Variants in UVRAG observed in about 807,000 individuals in gnomAD.
The protein encoded by UVRAG is UV radiation resistance associated.
In UVRAG, 19 loss-of-function variants were observed where a neutral mutation model predicts 78.0. The observed-to-expected ratio is 0.24, with a 90% CI of 0.17 to 0.36. The LOEUF (loss-of-function observed/expected upper bound fraction) is 0.36. UVRAG is among the 10% of genes least tolerant of loss of function. The pLI, the probability that UVRAG is intolerant of heterozygous loss-of-function variation, is 1.00. For missense variants in UVRAG, 740 were observed against 853.8 expected, an observed-to-expected ratio of 0.87 and a Z score of 1.66; for synonymous variants, 323 against 324.6, an observed-to-expected ratio of 1.00 and a Z score of 0.05.
intron 14 of UVRAG, among the ~76,000 whole-genome samples, chr11:76,121,888 T>C (rs1952285099): frequency 6.6e-6 from 1 of 152,128 alleles, no homozygotes; most frequent in African/African-American, 2.4e-5. Flanking sequence ...GTGTATTCCC[T>C]CAGTAGCTTA....
chr11:75,993,074 C>G (rs1363302793), intron 8 of UVRAG, among the ~76,000 whole-genome samples: 2 of 152,136 alleles, frequency 1.3e-5, no homozygotes, highest in East Asian at 3.8e-4. Flanking sequence ...GCTGATTATT[C>G]TGAATGACCA....
chr11:75,970,826 G>T (rs368318742), intron 7 of UVRAG, among the ~76,000 whole-genome samples: 1 of 151,110 alleles, frequency 6.6e-6, no homozygotes, highest in Admixed American at 6.6e-5. Context: ...TCTTGTACTC[G>T]TGTGGTACAA....
At chr11:76,042,915 T>G (rs940484770) in intron 12 of UVRAG, among the ~76,000 whole-genome samples, 2 of 152,236 alleles carry the variant, frequency 1.3e-5, no homozygotes, top group African/African-American at 4.8e-5. Flanking sequence ...TTGCCCAATT[T>G]TCTAAGGATG....
At chr11:75,973,599 G>A (rs974974623) in intron 7 of UVRAG, among the ~76,000 whole-genome samples, 2 of 152,048 alleles carry the variant, frequency 1.3e-5, no homozygotes, top group East Asian at 3.8e-4. Context: ...GGGTACATGT[G>A]CACAATGTGC....
intron 1 of UVRAG, among the ~76,000 whole-genome samples, chr11:75,816,263 T>A (rs1219590674): frequency 6.6e-6 from 1 of 152,208 alleles, no homozygotes; most frequent in African/African-American, 2.4e-5. Context: ...TGTAGGAAGA[T>A]AAGAAGGGGG....
intron 3 of UVRAG, among the ~76,000 whole-genome samples, chr11:75,862,582 G>C (rs544626424): frequency 8.5e-5 from 13 of 152,210 alleles, no homozygotes; most frequent in African/African-American, 3.1e-4. Flanking sequence ...AGCTTATCTT[G>C]TTCCTTATGT....
At chr11:75,880,088 G>A (rs368480393) in intron 4 of UVRAG, 48 bp downstream of exon 4, 9 of 1,592,656 alleles carry the variant, frequency 5.7e-6, no homozygotes, top group African/African-American at 1.4e-5. Flanking sequence ...CCAAATTAAC[G>A]TGTCTAACCT....
intron 13 of UVRAG, among the ~76,000 whole-genome samples, chr11:76,086,080 C>T (rs1308820008): frequency 6.6e-6 from 1 of 152,158 alleles, no homozygotes; most frequent in African/African-American, 2.4e-5. Context: ...GGAAAACAAC[C>T]TGCTTTAAAT....
intron 6 of UVRAG, among the ~76,000 whole-genome samples, chr11:75,955,711 G>A (rs1948782600): frequency 6.6e-6 from 1 of 152,090 alleles, no homozygotes; most frequent in Admixed American, 6.5e-5. Context: ...ATAAGCCTGG[G>A]CATAGCGAGA....
intron 5 of UVRAG, among the ~76,000 whole-genome samples, chr11:75,891,384 A>G (rs2134939071): frequency 6.6e-6 from 1 of 152,314 alleles, no homozygotes; most frequent in East Asian, 1.9e-4. Flanking sequence ...TACTGTTGCA[A>G]CATTAAGTTC....
intron 14 of UVRAG, among the ~76,000 whole-genome samples, chr11:76,140,456 G>C (rs1952694979): frequency 6.6e-6 from 1 of 152,024 alleles, no homozygotes; most frequent in African/African-American, 2.4e-5. Context: ...TCTGTTCCCT[G>C]CCCTGCCTTG....
At chr11:75,864,668 G>A (rs893109321) in intron 3 of UVRAG, among the ~76,000 whole-genome samples, 2 of 152,174 alleles carry the variant, frequency 1.3e-5, no homozygotes, top group African/African-American at 2.4e-5. Flanking sequence ...CACAGAAGAC[G>A]CTCAGCAAAT....
chr11:75,921,634 T>C (rs1947982940), intron 6 of UVRAG, among the ~76,000 whole-genome samples: 1 of 152,046 alleles, frequency 6.6e-6, no homozygotes, highest in Non-Finnish European at 1.5e-5. Flanking sequence ...TTTGCTAACT[T>C]TGAGATTTAT....
rs140277942 is a variant in UVRAG at position 75,958,441 on chromosome 11, C to G, written c.594-3003C>G. 2.6e-5 allele frequency among the ~76,000 whole-genome samples: 4 copies of G among 152,154 alleles called. No homozygotes were observed. In the East Asian group the frequency reaches 7.7e-4, roughly 29 times the overall value. On this transcript the variant is annotated intron_variant, in intron 6 of 14. Transcript: ENST00000356136. The stretch of plus-strand genomic sequence containing the variant: ...TCTTCACCAGGAGTAGATTCTATCT[C>G]AAAAAACCACTTTTCTTGATTAACT...
intron 3 of UVRAG, among the ~76,000 whole-genome samples, chr11:75,866,630 A>G (rs1417177095): frequency 6.6e-6 from 1 of 152,016 alleles, no homozygotes; most frequent in East Asian, 1.9e-4. Context: ...TTATAAATCC[A>G]TATAATAGCT....
At position 76,050,361 on chromosome 11, in the gene UVRAG, T is replaced by A. The variant is rs183205822; in HGVS notation, c.1227-15349T>A. On this transcript the variant is annotated intron_variant, in intron 12 of 14. Transcript: ENST00000356136. ...TTAATTCACAGAACTATATGTTACT[T>A]AGTTCTCCTTCAGTATTTACTTAAT... Among the ~76,000 whole-genome samples, 413 of 152,342 alleles carry A rather than the reference T, an allele frequency of 2.7e-3. 1 individual carries two copies. The highest frequency in any genetic ancestry group is 5.1e-3 in the Non-Finnish European group (350 of 68,022).
Position 76,012,756 on chromosome 11 carries a change from G to C in UVRAG, c.1060+3889G>C, listed in dbSNP as rs79445829. 1.2e-3 allele frequency among the ~76,000 whole-genome samples: 181 copies of C among 151,544 alleles called. No homozygotes were observed. In the East Asian group the frequency reaches 0.027, roughly 23 times the overall value. On this transcript the variant is annotated intron_variant, in intron 11 of 14. Transcript: ENST00000356136. The stretch of plus-strand genomic sequence containing the variant: ...AATGTCCAGTGAAGGGTGTTCATCT[G>C]AGTTCCACTGACCGAGACATTTAGC...
intron 9 of UVRAG, among the ~76,000 whole-genome samples, chr11:76,006,260 A>G (rs1184677315): frequency 6.6e-6 from 1 of 152,172 alleles, no homozygotes; most frequent in African/African-American, 2.4e-5. Flanking sequence ...ACTTTGATCT[A>G]CAGTTTCTCC....
At position 75,920,008 on chromosome 11, in the gene UVRAG, G is replaced by GTTTTTTTTTTTTTTTT. The variant is rs140217190; in HGVS notation, c.593+7989_593+8004dup. Among the ~76,000 whole-genome samples the GTTTTTTTTTTTTTTTT allele has an allele frequency of 2.0e-4, 11 of 55,490 alleles. 2 individuals are homozygous for GTTTTTTTTTTTTTTTT. Among genetic ancestry groups the GTTTTTTTTTTTTTTTT allele is most frequent in the African/African-American group, 4.1e-4 (7 of 17,210 alleles). 36.4% of individuals were successfully genotyped at this position (55,490 alleles called of 152,430 possible). ...CAAAATTTAAAATAAAATAATTTTG[G>GTTTTTTTTTTTTTTTT]TTTTTTTTTTTTTTTTTTTTTTTTT... On this transcript the variant is annotated intron_variant, in intron 6 of 14. Transcript: ENST00000356136.
Sources: gnomAD v4.1 joint callset for allele counts (sites outside exome capture counted in the v4.1 genomes callset) on GRCh38, gnomAD v4.1.1 for gene constraint, MANE v1.5 for transcripts, NCBI Gene and HGNC (gene_info 2026-07-23, HGNC 2026-07-21) for gene names.